The following FSD1L variants were observed in gnomAD, a reference collection of about 807,000 sequenced individuals.
FSD1L encodes the protein FSD1-like protein.
FSD1L carries 45 observed loss-of-function variants against 71.6 expected under a neutral mutation model. The observed-to-expected ratio is 0.63, with a 90% confidence interval of 0.49 to 0.81. The LOEUF (loss-of-function observed/expected upper bound fraction) is 0.81. Ranked by LOEUF, FSD1L falls within the 30% of genes least tolerant of loss-of-function variation. The pLI, the probability that FSD1L is intolerant of heterozygous loss-of-function variation, is 0.00. For synonymous variants in FSD1L, 197 were observed against 207.2 expected, an observed-to-expected ratio of 0.95 and a Z score of 0.42; for missense variants, 561 against 618.1, an observed-to-expected ratio of 0.91 and a Z score of 0.98.
chr9:105,494,520 T>C (rs1272646057), intron 7 of FSD1L, among the ~76,000 whole-genome samples: 1 of 152,230 alleles, frequency 6.6e-6, no homozygotes, highest in African/African-American at 2.4e-5. Flanking sequence ...CATTCTCCAT[T>C]CAGCTTTGCT....
At chr9:105,481,141 CTGTGTGTGTGTGTGTGTG>C (rs376069658) in intron 6 of FSD1L, among the ~76,000 whole-genome samples, 6 of 81,558 alleles carry the variant, frequency 7.4e-5, no homozygotes, top group South Asian at 5.4e-4. Context: ...CAGGCAAACT[CTGTGTGTGTGTGTGTGTG>C]TGTGTGTGTG....
intron 10 of FSD1L, chr9:105,524,886 A>G: frequency 6.3e-7 from 1 of 1,590,052 alleles, no homozygotes; most frequent in Non-Finnish European, 8.6e-7. Context: ...CAGTGAAAGT[A>G]CTGAACTTTC....
At chr9:105,519,312 G>C (rs949827392) in intron 10 of FSD1L, among the ~76,000 whole-genome samples, 13 of 152,062 alleles carry the variant, frequency 8.5e-5, no homozygotes, top group African/African-American at 2.9e-4. Flanking sequence ...TATCAGGCCA[G>C]CATCATCCTG....
intron 1 of FSD1L, among the ~76,000 whole-genome samples, chr9:105,454,319 C>A (rs1036244147): frequency 2.6e-5 from 4 of 152,072 alleles, no homozygotes; most frequent in Non-Finnish European, 5.9e-5. Flanking sequence ...CAACAGAATT[C>A]TTTTGTATGC....
intron 5 of FSD1L, among the ~76,000 whole-genome samples, chr9:105,478,470 A>G (rs1831957738): frequency 6.6e-6 from 1 of 152,228 alleles, no homozygotes; most frequent in Admixed American, 6.5e-5. Context: ...CTGGGGATAC[A>G]GTGTTGAGCA....
At chr9:105,461,451 T>A in intron 1 of FSD1L, 69 bp from the exon 2 acceptor site, 1 of 632,388 alleles carries the variant, frequency 1.6e-6, no homozygotes, top group Non-Finnish European at 2.6e-6. Context: ...TTAAAATTAA[T>A]TTATCCTGTT....
chr9:105,543,739 A>C (rs1273187474), intron 13 of FSD1L, among the ~76,000 whole-genome samples: 1 of 152,144 alleles, frequency 6.6e-6, no homozygotes, highest in South Asian at 2.1e-4. Flanking sequence ...AGCTTCATCC[A>C]TGTCCCTACA....
intron 10 of FSD1L, chr9:105,523,530 G>A (rs1835317154): frequency 6.2e-7 from 1 of 1,612,876 alleles, no homozygotes; most frequent in Non-Finnish European, 8.5e-7. Context: ...TTACCTCTGT[G>A]AACTTTGGCA....
In FSD1L at chr9:105,549,659, CTTAT is replaced by C. The variant is rs1283025633; in HGVS notation, c.*3181_*3184del. 2.6e-5 allele frequency: 4 copies of C among 151,786 alleles called. No individual in the cohort carries two copies. The highest frequency in any genetic ancestry group is 9.7e-5 in the African/African-American group (4 of 41,340). The allele number at this position is 151,786 out of a possible 1,614,324, so 9.4% of individuals were successfully genotyped here. The stretch of plus-strand genomic sequence containing the variant: ...AGACATATTGGCTTGCTTTAATTTA[CTTAT>C]TTATGAAATTAAAGCATGAATAATA... On this transcript the variant is annotated 3_prime_UTR_variant, in exon 14 of 14. Transcript: ENST00000481272.
intron 7 of FSD1L, among the ~76,000 whole-genome samples, chr9:105,499,224 ATTG>A (rs904356721): frequency 2.0e-5 from 3 of 152,202 alleles, no homozygotes; most frequent in Non-Finnish European, 2.9e-5. Flanking sequence ...CACTTGTATC[ATTG>A]TTGTCATTTA....
At chr9:105,457,772 T>A (rs1830446269) in intron 1 of FSD1L, among the ~76,000 whole-genome samples, 1 of 152,186 alleles carries the variant, frequency 6.6e-6, no homozygotes. Context: ...GAGGGGTGTG[T>A]GAGCGAGCGA....
chr9:105,521,954 C>T, intron 10 of FSD1L: 2 of 1,612,816 alleles, frequency 1.2e-6, no homozygotes, highest in Admixed American at 1.7e-5. Flanking sequence ...TTTATCGGTA[C>T]ATGGTTGTAC....
rs1279541307 is a variant in FSD1L, at chr9:105,461,490, A to T, written c.16-30A>T. 3.4e-6 allele frequency: 4 copies of T among 1,193,460 alleles called. No homozygotes were observed. In the Admixed American group the frequency reaches 9.8e-5, roughly 29 times the overall value. 73.9% of individuals were successfully genotyped at this position (1,193,460 alleles called of 1,614,324 possible). On this transcript the variant is annotated intron_variant, in intron 1 of 13. Coordinates refer to ENST00000481272, the MANE Select transcript of FSD1L (RefSeq NM_001145313.3). ...CCTTTACTTTTTTGATGTGGCTGCT[A>T]TTGGCTCCTACTGTATTTATATTGG...
intron 13 of FSD1L, among the ~76,000 whole-genome samples, chr9:105,545,621 T>G (rs1449453006): frequency 1.3e-5 from 2 of 151,510 alleles, no homozygotes; most frequent in Non-Finnish European, 2.9e-5. Context: ...TTATTGAGAG[T>G]TTTTAGCATG....
intron 1 of FSD1L, among the ~76,000 whole-genome samples, chr9:105,451,296 T>A (rs142098498): frequency 6.6e-6 from 1 of 152,378 alleles, no homozygotes; most frequent in African/African-American, 2.4e-5. Context: ...TCTGCTATTA[T>A]ATCTGTAAGA....
chr9:105,543,761 C>T (rs1320641382), intron 13 of FSD1L, among the ~76,000 whole-genome samples: 1 of 152,130 alleles, frequency 6.6e-6, no homozygotes, highest in East Asian at 1.9e-4. Context: ...AGGACATGAA[C>T]TCATCCTTTT....
chr9:105,480,916 T>C (rs1274348978), intron 6 of FSD1L, among the ~76,000 whole-genome samples: 1 of 152,200 alleles, frequency 6.6e-6, no homozygotes, highest in East Asian at 1.9e-4. Flanking sequence ...GCAAAATCTG[T>C]CCTTTTTTCA....
At chr9:105,480,738 A>C (rs2131687697) in intron 6 of FSD1L, among the ~76,000 whole-genome samples, 1 of 152,344 alleles carries the variant, frequency 6.6e-6, no homozygotes, top group South Asian at 2.1e-4. Flanking sequence ...GATGCTAGAT[A>C]GGTCAGTTTT....
intron 1 of FSD1L, among the ~76,000 whole-genome samples, chr9:105,450,047 G>C (rs1377030522): frequency 5.3e-5 from 8 of 152,108 alleles, no homozygotes; most frequent in Non-Finnish European, 1.0e-4. Flanking sequence ...AACACCCTTT[G>C]GTTTATAGCT....
Sources: gnomAD v4.1 joint callset for allele counts (sites outside exome capture counted in the v4.1 genomes callset) on GRCh38, gnomAD v4.1.1 for gene constraint, MANE v1.5 for transcripts, NCBI Gene and HGNC (gene_info 2026-07-23, HGNC 2026-07-21) for gene names.